KDM4A: variants seen among roughly 807,000 people sequenced by gnomAD.
The protein encoded by KDM4A is lysine-specific demethylase 4A.
In KDM4A, 23 loss-of-function variants were observed where a neutral mutation model predicts 127.1. The observed-to-expected ratio is 0.18, with a 90% CI of 0.13 to 0.26. The LOEUF (loss-of-function observed/expected upper bound fraction) is 0.26. Among genes scored for constraint, KDM4A ranks in the 10% least tolerant of loss-of-function variants. The pLI is 1.00. For synonymous variants in KDM4A, 443 were observed against 466.5 expected (o/e 0.95, Z 0.65); for missense variants, 890 against 1,329.1 (o/e 0.67, Z 5.14).
At chr1:43,653,905 C>G (rs975666579) in intron 2 of KDM4A, 1 of 152,188 alleles carries the variant, frequency 6.6e-6, no homozygotes, top group African/African-American at 2.4e-5. Flanking sequence ...CTGGAGAGAT[C>G]CTCAGGAAAC....
intron 19 of KDM4A, among the ~76,000 whole-genome samples, chr1:43,698,862 C>T (rs930077353): frequency 1.3e-5 from 2 of 152,084 alleles, no homozygotes; most frequent in Admixed American, 1.3e-4. Context: ...AATCTCAGCT[C>T]ACTGCAGCCT....
chr1:43,650,472 G>A (rs1388811506), intron 1 of KDM4A: 5 of 152,406 alleles, frequency 3.3e-5, no homozygotes, highest in African/African-American at 1.2e-4. Context: ...CGGGTCATCT[G>A]GGCCTTATTT....
At chr1:43,703,546 T>G (rs1258170847) in intron 19 of KDM4A, 71 bp from the exon 20 acceptor site, 3 of 1,585,362 alleles carry the variant, frequency 1.9e-6, no homozygotes, top group East Asian at 4.5e-5. Flanking sequence ...CACTCTTCCC[T>G]GAGTAGAGGA....
rs917851148 is a variant in KDM4A, at chr1:43,655,735, C to G, written c.283C>G (p.Arg95Gly). 5.6e-6 allele frequency: 9 copies of G among 1,611,820 alleles called. No individual in the cohort carries two copies. The highest frequency in any genetic ancestry group is 2.7e-5 in the African/African-American group (2 of 74,842). ...YNIQKKAMTV[R>G]EFRKIANSDK... The stretch of plus-strand genomic sequence containing the variant: ...CATACAGAAGAAAGCCATGACTGTT[C>G]GAGAGTTCCGCAAGATAGCCAATAG... The change falls in exon 3 of 22, where the codon CGA (arginine) becomes GGA (glycine). Residue 95 changes from arginine (R) to glycine (G), a missense_variant. Arg to Gly is a moderately radical substitution (Grantham distance 125). Transcript: ENST00000372396.
At chr1:43,685,708 C>T (rs544111374) in intron 12 of KDM4A, among the ~76,000 whole-genome samples, 27 of 152,292 alleles carry the variant, frequency 1.8e-4, no homozygotes, top group Admixed American at 1.5e-3. Flanking sequence ...GCAGAATTTG[C>T]AGTGAGCTGA....
rs1157525099 is a variant in KDM4A, at chr1:43,653,183, C to G, written c.8C>G (p.Ser3Cys). ...CCTCAAAAAGGAGGGAAAATGGCTTCTGAGTCTGAAACTCTGAATCCCAGT... is the reference window on the plus strand; with the variant it reads ...CCTCAAAAAGGAGGGAAAATGGCTTGTGAGTCTGAAACTCTGAATCCCAGT... MA[S>C]ESETLNPSAR... The change falls in exon 2 of 22, where the codon TCT becomes TGT. Residue 3 changes from serine to cysteine, a missense_variant. By Grantham distance (112) the Ser-to-Cys change is moderately radical. Around this residue, in one of 7 missense-constraint regions of KDM4A, gnomAD observed 9 missense variants for 18.6 expected, o/e 0.48. Transcript: ENST00000372396. 8 of 1,611,176 alleles carry G rather than the reference C, an allele frequency of 5.0e-6. 1 individual carries two copies. Among genetic ancestry groups the G allele is most frequent in the Middle Eastern group, 1.6e-4 (1 of 6,068 alleles).
At chr1:43,687,118 G>A (rs1661002291) in intron 12 of KDM4A, among the ~76,000 whole-genome samples, 1 of 152,168 alleles carries the variant, frequency 6.6e-6, no homozygotes, top group South Asian at 2.1e-4. Flanking sequence ...CTGTGCTTGG[G>A]TTCTGGGCAC....
chr1:43,704,765 T>G lies in KDM4A; in HGVS notation c.*395T>G, dbSNP rs1196783590. 1 of 239,142 alleles carries G rather than the reference T, an allele frequency of 4.2e-6. No homozygotes were observed. Among genetic ancestry groups the G allele is most frequent in the African/African-American group, 2.3e-5 (1 of 43,362 alleles). 14.8% of individuals were successfully genotyped at this position (239,142 alleles called of 1,614,324 possible). A position where few individuals can be genotyped will look rare whatever the true frequency, so the allele number is the denominator to read the frequency against. ...CTTGCCCCAACCCCTACTTTTGTAT[T>G]TATATGTGTGTGTGTGTGTGCGTGC... On this transcript the variant is annotated 3_prime_UTR_variant, in exon 22 of 22. Transcript: ENST00000372396.
In KDM4A at chr1:43,693,572, C is replaced by G. The variant is rs191851432; in HGVS notation, c.2376-422C>G. On this transcript the variant is annotated intron_variant, in intron 16 of 21. Transcript: ENST00000372396. The surrounding 1 kb of genome is among the most constrained non-coding windows in gnomAD (Gnocchi z 4.2). ...CCTGGGGGAGAGGTTTGGGCAGAGG[C>G]CGAGAGAGAGCTGTGATTACTGGCA... 2.0e-5 allele frequency among the ~76,000 whole-genome samples: 3 copies of G among 152,202 alleles called. No homozygotes were observed. Among genetic ancestry groups the G allele is most frequent in the East Asian group, 3.9e-4 (2 of 5,172 alleles).
intron 13 of KDM4A, among the ~76,000 whole-genome samples, chr1:43,690,118 G>C (rs1661074532): frequency 6.6e-6 from 1 of 152,240 alleles, no homozygotes; most frequent in Non-Finnish European, 1.5e-5. Flanking sequence ...GTTCTTCCTG[G>C]AGGGACCCTG....
intron 12 of KDM4A, among the ~76,000 whole-genome samples, chr1:43,685,857 G>A (rs982520420): frequency 6.6e-6 from 1 of 152,102 alleles, no homozygotes; most frequent in African/African-American, 2.4e-5. Flanking sequence ...CCCTGAGTCA[G>A]GTCCTAGGAA....
intron 19 of KDM4A, among the ~76,000 whole-genome samples, chr1:43,699,499 T>G (rs1413833483): frequency 6.6e-6 from 1 of 152,150 alleles, no homozygotes; most frequent in East Asian, 1.9e-4. Context: ...GAGAAGGATG[T>G]GGTATTATCT....
chr1:43,661,673 G>A (rs1211749868), intron 4 of KDM4A, among the ~76,000 whole-genome samples: 1 of 151,650 alleles, frequency 6.6e-6, no homozygotes, highest in African/African-American at 2.4e-5. Context: ...AGTTTTTGGG[G>A]GTCAGGGAAA....
chr1:43,653,075 G>A, intron 1 of KDM4A, 62 bp from the exon 2 acceptor site: 1 of 805,692 alleles, frequency 1.2e-6, no homozygotes, highest in Non-Finnish European at 1.8e-6. Flanking sequence ...TTTCAGAGTT[G>A]ATGTTTCCAG....
intron 9 of KDM4A, among the ~76,000 whole-genome samples, chr1:43,668,707 G>A (rs1033872685): frequency 6.6e-6 from 1 of 152,310 alleles, no homozygotes; most frequent in South Asian, 2.1e-4. Flanking sequence ...TGGTAATGTC[G>A]TGATTTAAGT....
At chr1:43,679,008 C>T (rs767742218) in intron 11 of KDM4A, among the ~76,000 whole-genome samples, 7 of 152,098 alleles carry the variant, frequency 4.6e-5, no homozygotes, top group Non-Finnish European at 1.0e-4. Flanking sequence ...CACCAGAATG[C>T]AGATGGTTTT....
rs144133203 is a variant in KDM4A at position 43,694,876 on chromosome 1, C to T, written c.2652C>T (p.His884=). ...TGGTCTTCATTACCTGCTTTCGGCA[C>T]AAGATTCCTAATTTGGAGGTGAGAG... ...PFVVFITCFR[H]KIPNLERAKG... is the part of the protein sequence containing the mutation. Residue 884 remains histidine (H), a synonymous_variant, in exon 18 of 22, where the codon CAC becomes CAT. Transcript: ENST00000372396. The surrounding 1 kb of genome is among the most constrained non-coding windows in gnomAD (Gnocchi z 5.2). 81 of 1,596,086 alleles carry T rather than the reference C, an allele frequency of 5.1e-5. No homozygotes were observed. The highest frequency in any genetic ancestry group is 6.6e-5 in the Non-Finnish European group (77 of 1,164,800).
chr1:43,704,321 A>AC lies in KDM4A; in HGVS notation c.3148dup (p.Arg1050ProfsTer6). The AC allele has an allele frequency of 6.2e-7, 1 of 1,614,034 alleles. No individual in the cohort carries two copies. The highest frequency in any genetic ancestry group is 8.5e-7 in the Non-Finnish European group (1 of 1,180,042). On this transcript the variant is annotated frameshift_variant, in exon 22 of 22. Coordinates refer to ENST00000372396, the MANE Select transcript of KDM4A (RefSeq NM_014663.3). LOFTEE classifies it high-confidence loss of function. ...CGGCAACGAGTTATCAACTCAAGAT[A>AC]CCGGGAAGATTATATTGAGCCTGCA...
At position 43,704,566 on chromosome 1, in the gene KDM4A, C is replaced by T. The variant is rs1661500211; in HGVS notation, c.*196C>T. 3.3e-6 allele frequency: 2 copies of T among 601,456 alleles called. No individual in the cohort carries two copies. The highest frequency in any genetic ancestry group is 5.7e-6 in the Non-Finnish European group (2 of 351,750). 37.3% of individuals were successfully genotyped at this position (601,456 alleles called of 1,614,324 possible). The stretch of plus-strand genomic sequence containing the variant: ...TGAAAGGACGAGCCATTTCTGGGCA[C>T]GTGGCAGCAGTCGCTGATCTCCCAG... On this transcript the variant is annotated 3_prime_UTR_variant, in exon 22 of 22. Coordinates refer to ENST00000372396, the MANE Select transcript of KDM4A (RefSeq NM_014663.3).
Sources: allele counts gnomAD v4.1 joint callset (sites outside exome capture counted in the v4.1 genomes callset), GRCh38; gene constraint gnomAD v4.1.1; regional missense constraint gnomAD v4.1.1; non-coding constraint Gnocchi (gnomAD v3.1); transcripts MANE v1.5; gene names NCBI Gene and HGNC (gene_info 2026-07-23, HGNC 2026-07-21).